Variants in KCTD8 observed in about 807,000 individuals in gnomAD.
The protein encoded by KCTD8 is potassium channel tetramerization domain containing 8.
KCTD8 carries 27 observed loss-of-function variants against 31.5 expected under a neutral mutation model. That is an observed-to-expected ratio of 0.86 (90% CI 0.63 to 1.18). The LOEUF (loss-of-function observed/expected upper bound fraction) is 1.18, where lower values mean the gene tolerates loss of function less well. Among genes scored for constraint, KCTD8 ranks in the 50% most tolerant of loss-of-function variants. The pLI, the probability that KCTD8 is intolerant of heterozygous loss-of-function variation, is 0.00. For synonymous variants in KCTD8, 290 were observed against 280.0 expected (o/e 1.04, Z -0.36); for missense variants, 658 against 647.7 (o/e 1.02, Z -0.17).
rs561264488 is a variant in KCTD8, at chr4:44,433,745, A to G, written c.961+13818T>C. On this transcript the variant is annotated intron_variant, in intron 1 of 1. Transcript: ENST00000360029. ...TTTTCCACCAAGACATACCCCTGGT[A>G]AAAGAAATGAATCAATCACAGGCCA... Among the ~76,000 whole-genome samples, 49 of 151,650 alleles carry G rather than the reference A, an allele frequency of 3.2e-4. No homozygotes were observed. In the Middle Eastern group the frequency reaches 0.014, roughly 42 times the overall value.
At chr4:44,350,565 C>A (rs1192615764) in intron 1 of KCTD8, among the ~76,000 whole-genome samples, 1 of 152,110 alleles carries the variant, frequency 6.6e-6, no homozygotes, top group African/African-American at 2.4e-5. Flanking sequence ...TTTAATTTAA[C>A]ATCAGTTGGC....
At chr4:44,408,930 CTTT>C (rs1055489448) in intron 1 of KCTD8, among the ~76,000 whole-genome samples, 8 of 151,644 alleles carry the variant, frequency 5.3e-5, no homozygotes, top group African/African-American at 1.9e-4. Flanking sequence ...TATTAGGGTT[CTTT>C]TAAGTAATAT....
At chr4:44,224,726 C>A (rs1398173188) in intron 1 of KCTD8, among the ~76,000 whole-genome samples, 1 of 152,126 alleles carries the variant, frequency 6.6e-6, no homozygotes, top group Non-Finnish European at 1.5e-5. Flanking sequence ...AAATATATTT[C>A]TTGTCCACAT....
chr4:44,327,129 T>G (rs554246237), intron 1 of KCTD8, among the ~76,000 whole-genome samples: 1 of 151,946 alleles, frequency 6.6e-6, no homozygotes, highest in Non-Finnish European at 1.5e-5. Context: ...AAGTGAAACA[T>G]ATAAAGTCAG....
chr4:44,430,462 T>C (rs1721476958), intron 1 of KCTD8, among the ~76,000 whole-genome samples: 1 of 151,836 alleles, frequency 6.6e-6, no homozygotes, highest in African/African-American at 2.4e-5. Context: ...AGGGAGTATG[T>C]TATGGCCCAT....
chr4:44,238,700 T>A (rs969389833), intron 1 of KCTD8, among the ~76,000 whole-genome samples: 11 of 152,314 alleles, frequency 7.2e-5, no homozygotes, highest in African/African-American at 2.6e-4. Flanking sequence ...TAGTTTATTT[T>A]CTGTTTCTCA....
At chr4:44,380,262 CA>C (rs1408746979) in intron 1 of KCTD8, among the ~76,000 whole-genome samples, 3 of 151,746 alleles carry the variant, frequency 2.0e-5, no homozygotes, top group Non-Finnish European at 4.4e-5. Context: ...ACAACATTAT[CA>C]AATTAAGCTA....
chr4:44,218,991 T>C (rs1019439840), intron 1 of KCTD8, among the ~76,000 whole-genome samples: 1 of 152,214 alleles, frequency 6.6e-6, no homozygotes, highest in Non-Finnish European at 1.5e-5. Context: ...TTGCAAAGCA[T>C]GGCACCATCC....
At chr4:44,396,392 G>A (rs1357190273) in intron 1 of KCTD8, among the ~76,000 whole-genome samples, 1 of 151,978 alleles carries the variant, frequency 6.6e-6, no homozygotes, top group East Asian at 1.9e-4. Flanking sequence ...TGGGGTTTGG[G>A]GACCACTGCA....
Position 44,231,759 on chromosome 4 carries a change from T to C in KCTD8, c.962-56509A>G, listed in dbSNP as rs75575817. Among the ~76,000 whole-genome samples the C allele has an allele frequency of 7.8e-3, 1,182 of 152,286 alleles. 15 individuals carry two copies. The highest frequency in any genetic ancestry group is 0.027 in the African/African-American group (1,128 of 41,572). ...CTCCTATGAAGAAATTTTTCTGGAA[T>C]GAGTAAATTAAAATCTCACTGTGTC... On this transcript the variant is annotated intron_variant, in intron 1 of 1. Coordinates refer to ENST00000360029, the MANE Select transcript of KCTD8 (RefSeq NM_198353.3).
chr4:44,200,785 T>C (rs1714121411), intron 1 of KCTD8, among the ~76,000 whole-genome samples: 3 of 152,020 alleles, frequency 2.0e-5, no homozygotes, highest in South Asian at 2.1e-4. Flanking sequence ...CTATTCCACA[T>C]AGTACTGAAA....
At chr4:44,294,302 A>T (rs1490443) in intron 1 of KCTD8, among the ~76,000 whole-genome samples, 18,121 of 152,174 alleles carry the variant, frequency 0.12, 1,303 homozygotes, top group East Asian at 0.24. Context: ...GATTTTGTTA[A>T]GACTCCTTTG....
At chr4:44,269,256 A>C (rs1303049160) in intron 1 of KCTD8, among the ~76,000 whole-genome samples, 10 of 152,188 alleles carry the variant, frequency 6.6e-5, no homozygotes, top group South Asian at 6.2e-4. Flanking sequence ...ACTATCTGAT[A>C]TTTGACAAAC....
chr4:44,193,776 T>A (rs1330876602), intron 1 of KCTD8, among the ~76,000 whole-genome samples: 1 of 152,078 alleles, frequency 6.6e-6, no homozygotes, highest in Non-Finnish European at 1.5e-5. Flanking sequence ...AGGGTTTTTG[T>A]TGTTGTTGTT....
intron 1 of KCTD8, among the ~76,000 whole-genome samples, chr4:44,200,553 A>C (rs560985390): frequency 1.8e-4 from 28 of 152,240 alleles, no homozygotes; most frequent in African/African-American, 6.7e-4. Flanking sequence ...TTAAAAGCAA[A>C]TACAGTATGA....
chr4:44,390,933 C>A (rs1720355210), intron 1 of KCTD8, among the ~76,000 whole-genome samples: 1 of 151,924 alleles, frequency 6.6e-6, no homozygotes, highest in East Asian at 1.9e-4. Context: ...AATCCCATGA[C>A]TAGGTATCTA....
At chr4:44,382,723 T>TC (rs1720102892) in intron 1 of KCTD8, among the ~76,000 whole-genome samples, 2 of 124,506 alleles carry the variant, frequency 1.6e-5, no homozygotes, top group African/African-American at 5.6e-5. Flanking sequence ...GGAGTGAAAC[T>TC]CCATTTCAAA....
chr4:44,220,806 A>G (rs1714786029), intron 1 of KCTD8, among the ~76,000 whole-genome samples: 1 of 152,182 alleles, frequency 6.6e-6, no homozygotes. Flanking sequence ...TGAATTCTCT[A>G]TCTCCCTCCA....
chr4:44,270,764 TAC>T (rs1388391809), intron 1 of KCTD8, among the ~76,000 whole-genome samples: 3 of 152,244 alleles, frequency 2.0e-5, no homozygotes, highest in African/African-American at 7.2e-5. Context: ...TATTTAGATA[TAC>T]GTTATTGATG....
Sources: gnomAD v4.1 joint callset for allele counts (sites outside exome capture counted in the v4.1 genomes callset) on GRCh38, gnomAD v4.1.1 for gene constraint, MANE v1.5 for transcripts, NCBI Gene and HGNC (gene_info 2026-07-23, HGNC 2026-07-21) for gene names.